The following PEPD variants were observed in gnomAD, a reference collection of about 807,000 sequenced individuals.
PEPD encodes the protein peptidase D.
Under a neutral mutation model 60.7 loss-of-function variants are expected in PEPD, and 53 were observed. The observed-to-expected ratio is 0.87, with a 90% CI of 0.70 to 1.10. The LOEUF (loss-of-function observed/expected upper bound fraction) is 1.10. PEPD is among the 50% of genes least tolerant of loss of function. The pLI is 0.00. For missense variants in PEPD, 711 were observed against 711.9 expected (o/e 1.00, Z 0.01); for synonymous variants, 267 against 284.1 (o/e 0.94, Z 0.60).
chr19:33,425,338 G>C (rs1251107518), intron 9 of PEPD, among the ~76,000 whole-genome samples: 1 of 144,562 alleles, frequency 6.9e-6, no homozygotes, highest in East Asian at 2.2e-4. Flanking sequence ...GCTTGCCAGA[G>C]TGGCAGATGA....
intron 7 of PEPD, chr19:33,477,014 C>T (rs142304477): frequency 6.6e-6 from 1 of 152,182 alleles, no homozygotes; most frequent in African/African-American, 2.4e-5. Flanking sequence ...CTGCTTAAAC[C>T]CTTCAAGGGT....
intron 9 of PEPD, among the ~76,000 whole-genome samples, chr19:33,416,186 G>A (rs1968888646): frequency 6.6e-6 from 1 of 152,218 alleles, no homozygotes; most frequent in South Asian, 2.1e-4. Context: ...AGCTGGGCCA[G>A]AGCTTGGCGA....
chr19:33,511,177 T>C (rs538037610), intron 2 of PEPD, 22 bp from the exon 3 acceptor site: 19 of 1,613,526 alleles, frequency 1.2e-5, no homozygotes, highest in Admixed American at 1.0e-4. Flanking sequence ...ACAAGAACTA[T>C]TGTTAGCCAG....
chr19:33,477,620 C>T (rs546345672), intron 7 of PEPD, among the ~76,000 whole-genome samples: 75 of 152,296 alleles, frequency 4.9e-4, no homozygotes, highest in African/African-American at 1.8e-3. Flanking sequence ...AACAGTATCA[C>T]CATGGGAAGG....
At chr19:33,453,381 T>C (rs1969734957) in intron 9 of PEPD, among the ~76,000 whole-genome samples, 1 of 151,208 alleles carries the variant, frequency 6.6e-6, no homozygotes, top group Admixed American at 6.6e-5. Flanking sequence ...GCTTAGTGGA[T>C]GTCCATCTGC....
At chr19:33,396,305 A>G (rs1022550068) in intron 12 of PEPD, 1 of 152,050 alleles carries the variant, frequency 6.6e-6, no homozygotes, top group Admixed American at 6.6e-5. Flanking sequence ...GGAGGGGAGC[A>G]AAGCTGGCAG....
At chr19:33,407,621 G>A (rs920831198) in intron 11 of PEPD, among the ~76,000 whole-genome samples, 1 of 152,222 alleles carries the variant, frequency 6.6e-6, no homozygotes, top group African/African-American at 2.4e-5. Flanking sequence ...AGTGTGCTGC[G>A]CTTTTGTAAC....
chr19:33,417,587 C>T (rs75362055), intron 9 of PEPD, among the ~76,000 whole-genome samples: 14,798 of 152,190 alleles, frequency 0.097, 1,019 homozygotes, highest in East Asian at 0.24. Flanking sequence ...CGGTGCCTCC[C>T]TCCCAGGGCT....
At chr19:33,475,375 T>A (rs1337873367) in intron 7 of PEPD, among the ~76,000 whole-genome samples, 1 of 151,840 alleles carries the variant, frequency 6.6e-6, no homozygotes, top group Non-Finnish European at 1.5e-5. Flanking sequence ...GCATCCTTCC[T>A]TCAGTGCCCC....
At chr19:33,489,474 C>T (rs1970456372) in intron 6 of PEPD, among the ~76,000 whole-genome samples, 1 of 152,036 alleles carries the variant, frequency 6.6e-6, no homozygotes, top group African/African-American at 2.4e-5. Flanking sequence ...ACTGAAAATA[C>T]AAAAATTAGC....
chr19:33,433,384 C>T (rs558154212), intron 9 of PEPD, among the ~76,000 whole-genome samples: 3 of 152,234 alleles, frequency 2.0e-5, no homozygotes, highest in Non-Finnish European at 2.9e-5. Flanking sequence ...GCCCTTGAGA[C>T]ACTCTTGGAA....
intron 11 of PEPD, among the ~76,000 whole-genome samples, chr19:33,407,309 C>T (rs943288622): frequency 2.0e-5 from 3 of 152,232 alleles, no homozygotes; most frequent in South Asian, 2.1e-4. Context: ...CCTCTCTGGG[C>T]GCACTGCTTC....
chr19:33,475,351 C>T (rs577183498), intron 7 of PEPD, among the ~76,000 whole-genome samples: 36 of 151,956 alleles, frequency 2.4e-4, no homozygotes, highest in Non-Finnish European at 4.9e-4. Flanking sequence ...AGGACCCGCC[C>T]GCTGCCCCAC....
At chr19:33,447,026 C>T (rs974543967) in intron 9 of PEPD, among the ~76,000 whole-genome samples, 7 of 152,240 alleles carry the variant, frequency 4.6e-5, no homozygotes, top group Non-Finnish European at 8.8e-5. Flanking sequence ...CAATGAACTG[C>T]GGTCACCTTG....
At chr19:33,452,102 C>T (rs1026182410) in intron 9 of PEPD, among the ~76,000 whole-genome samples, 7 of 152,192 alleles carry the variant, frequency 4.6e-5, no homozygotes, top group East Asian at 1.9e-4. Flanking sequence ...AAATAAGCCA[C>T]GAAGAAAAAC....
intron 6 of PEPD, among the ~76,000 whole-genome samples, chr19:33,489,005 A>C (rs1033019652): frequency 6.6e-6 from 1 of 152,110 alleles, no homozygotes; most frequent in Non-Finnish European, 1.5e-5. Context: ...CCAGCAATGC[A>C]GGCCACAGAC....
intron 11 of PEPD, 114 bp from the exon 12 acceptor site, chr19:33,401,983 A>C: frequency 1.1e-6 from 1 of 931,550 alleles, no homozygotes. Context: ...CCTGGATGCA[A>C]CTCCCCCTCA....
intron 12 of PEPD, among the ~76,000 whole-genome samples, chr19:33,394,384 C>A (rs903197601): frequency 9.2e-5 from 14 of 152,244 alleles, no homozygotes; most frequent in African/African-American, 3.1e-4. Context: ...CCCGGCGCCG[C>A]CCAGATGTGC....
At chr19:33,456,743 T>A (rs1969808870) in intron 9 of PEPD, among the ~76,000 whole-genome samples, 1 of 152,132 alleles carries the variant, frequency 6.6e-6, no homozygotes, top group African/African-American at 2.4e-5. Flanking sequence ...AGAGGCCGCC[T>A]GGACCCAGAC....
Sources: gnomAD v4.1 joint callset for allele counts (sites outside exome capture counted in the v4.1 genomes callset) on GRCh38, gnomAD v4.1.1 for gene constraint, MANE v1.5 for transcripts, NCBI Gene and HGNC (gene_info 2026-07-23, HGNC 2026-07-21) for gene names.